Variants in DNAH7 observed in about 807,000 individuals in gnomAD.
DNAH7 encodes the protein dynein axonemal heavy chain 7, also known as axonemal beta dynein heavy chain 7.
A neutral mutation model predicts 444.6 loss-of-function variants in DNAH7; 397 were observed. The observed-to-expected ratio is 0.89, with a 90% CI of 0.82 to 0.97. The LOEUF is 0.97. Ranked by LOEUF, DNAH7 falls within the 50% of genes least tolerant of loss-of-function variation. The pLI, the probability that DNAH7 is intolerant of heterozygous loss-of-function variation, is 0.00. For synonymous variants in DNAH7, 1,636 were observed against 1,624.4 expected, an observed-to-expected ratio of 1.01 and a Z score of -0.17; for missense variants, 4,902 against 4,800.8, an observed-to-expected ratio of 1.02 and a Z score of -0.62.
intron 61 of DNAH7, among the ~76,000 whole-genome samples, chr2:195,760,916 T>C (rs958067424): frequency 1.3e-5 from 2 of 152,060 alleles, no homozygotes; most frequent in African/African-American, 2.4e-5. Context: ...CCATCTAGGA[T>C]ACTGAATAGT....
At position 195,799,307 on chromosome 2, in the gene DNAH7, C is replaced by T. The variant is rs142989058; in HGVS notation, c.10342G>A (p.Ala3448Thr). Reference sequence around the variant, plus strand: ...CTATTGTAAGGTACCTGGTCATCAGCAAATTTTAGAAGGGCAGCCATGGGA... The same window carrying T: ...CTATTGTAAGGTACCTGGTCATCAGTAAATTTTAGAAGGGCAGCCATGGGA... ...ADPMAALLKF[A>T]DDQGYGGSKL... Residue 3448 changes from alanine (A) to threonine (T), a missense_variant, in exon 55 of 65, where the codon GCT becomes ACT. Transcript: ENST00000312428. 94 of 1,582,200 alleles carry T rather than the reference C, an allele frequency of 5.9e-5. 1 individual carries two copies. The Middle Eastern group carries it at 1.2e-3, about 20-fold the overall frequency.
chr2:195,953,459 C>T (rs1462888784), intron 19 of DNAH7, among the ~76,000 whole-genome samples: 3 of 152,200 alleles, frequency 2.0e-5, no homozygotes, highest in East Asian at 1.9e-4. Flanking sequence ...AGAACTCAAG[C>T]GCTGTGCTGG....
At chr2:195,872,604 CTTA>C (rs1485031890) in intron 39 of DNAH7, 135 bp from the exon 40 acceptor site, 3 of 482,790 alleles carry the variant, frequency 6.2e-6, no homozygotes, top group Non-Finnish European at 1.1e-5. Flanking sequence ...ATTACCATAT[CTTA>C]TTATAATAAT....
intron 2 of DNAH7, among the ~76,000 whole-genome samples, chr2:196,057,160 TA>T (rs1170508977): frequency 6.6e-6 from 1 of 152,112 alleles, no homozygotes; most frequent in African/African-American, 2.4e-5. Flanking sequence ...AAATACCTCT[TA>T]AAAATCTAAT....
chr2:195,952,621 T>C (rs946160372), intron 19 of DNAH7, among the ~76,000 whole-genome samples: 4 of 152,184 alleles, frequency 2.6e-5, no homozygotes, highest in Admixed American at 1.3e-4. Flanking sequence ...GAAGGCTTTG[T>C]TCGTTCCTTT....
At chr2:195,748,818 C>T (rs1256347851) in intron 63 of DNAH7, among the ~76,000 whole-genome samples, 2 of 152,088 alleles carry the variant, frequency 1.3e-5, no homozygotes, top group African/African-American at 4.8e-5. Flanking sequence ...TTCCTTACAC[C>T]TTATACAAAA....
intron 41 of DNAH7, 53 bp downstream of exon 41, chr2:195,864,096 A>G (rs759585642): frequency 6.1e-5 from 96 of 1,563,050 alleles, no homozygotes; most frequent in Non-Finnish European, 8.3e-5. Context: ...AGTCATGATG[A>G]TAGTGGAAAT....
rs559585931 is a variant in DNAH7 at position 195,938,599 on chromosome 2, C to T, written c.3079-1807G>A. On this transcript the variant is annotated intron_variant, in intron 19 of 64. Coordinates refer to ENST00000312428, the MANE Select transcript of DNAH7 (RefSeq NM_018897.3). ...TTATTGCAATGTTTCCATTCTTAAT[C>T]TAAGATTTGAAAGCTAAAAACTCAG... Among the ~76,000 whole-genome samples, 5 of 152,200 alleles carry T rather than the reference C, an allele frequency of 3.3e-5. No individual in the cohort carries two copies. The South Asian group carries it at 8.3e-4, about 25-fold the overall frequency.
At chr2:195,878,579 G>T (rs542513180) in intron 36 of DNAH7, among the ~76,000 whole-genome samples, 1 of 152,078 alleles carries the variant, frequency 6.6e-6, no homozygotes, top group Non-Finnish European at 1.5e-5. Context: ...CAGCCTAGGG[G>T]ACAGAGCAAG....
chr2:195,933,500 A>G (rs564586415), intron 21 of DNAH7, among the ~76,000 whole-genome samples: 2 of 152,318 alleles, frequency 1.3e-5, no homozygotes, highest in African/African-American at 4.8e-5. Context: ...GAGCCAACCC[A>G]AATGTCCATC....
chr2:195,799,025 A>G (rs1460069421), intron 55 of DNAH7, among the ~76,000 whole-genome samples: 3 of 152,096 alleles, frequency 2.0e-5, no homozygotes, highest in Non-Finnish European at 4.4e-5. Context: ...AAATAATGTC[A>G]AAGAGTTTCC....
chr2:195,777,885 T>C lies in DNAH7; in HGVS notation c.10979A>G (p.Asn3660Ser). ...WDRRTLRSILNKFFNPELVEN... is the reference protein window; with the variant it reads ...WDRRTLRSILSKFFNPELVEN... ...AACTAATTCGGGATTGAAGAATTTG[T>C]TTAGAATGCTGCGCAGCGTGCGCCG... Residue 3660 changes from asparagine to serine, a missense_variant, in exon 59 of 65, where the codon AAC becomes AGC. Asn to Ser is a conservative substitution (Grantham distance 46). Transcript: ENST00000312428. 6.2e-7 allele frequency: 1 copy of C among 1,614,200 alleles called. No homozygotes were observed. The highest frequency in any genetic ancestry group is 1.1e-5 in the South Asian group (1 of 91,082).
chr2:195,971,982 A>AT (rs143141012), intron 16 of DNAH7, among the ~76,000 whole-genome samples: 4 of 152,202 alleles, frequency 2.6e-5, no homozygotes, highest in Non-Finnish European at 5.9e-5. Flanking sequence ...GATATATTCC[A>AT]TTTTTTTCAC....
At chr2:195,741,265 T>C (rs1163628206) in intron 63 of DNAH7, 1 of 152,364 alleles carries the variant, frequency 6.6e-6, no homozygotes, top group East Asian at 1.9e-4. Context: ...TGGTGGCTAG[T>C]GGGCAGCATA....
chr2:195,961,118 CT>C (rs1028366991), intron 17 of DNAH7, among the ~76,000 whole-genome samples, 173 bp from the exon 18 acceptor site: 14 of 151,938 alleles, frequency 9.2e-5, no homozygotes, highest in African/African-American at 3.1e-4. Flanking sequence ...CTATTTACTT[CT>C]TTTTTTAATT....
chr2:195,864,511 C>T lies in DNAH7; in HGVS notation c.7144G>A (p.Val2382Met), dbSNP rs1226260810. Reference protein sequence around the residue: ...DTTEWHEDLKVILRKCAEGEM... With the variant: ...DTTEWHEDLKMILRKCAEGEM... ...CCTTCCGCACATTTCCTTAAGATCA[C>T]TTTTAAATCTTCATGCCATTCAGTA... Residue 2382 changes from valine to methionine, a missense_variant, in exon 41 of 65, where the codon GTG becomes ATG. Transcript: ENST00000312428. 1 of 1,614,052 alleles carries T rather than the reference C, an allele frequency of 6.2e-7. No individual in the cohort carries two copies. Among genetic ancestry groups the T allele is most frequent in the African/African-American group, 1.3e-5 (1 of 74,914 alleles).
chr2:195,897,613 G>A (rs996455399), intron 29 of DNAH7, 54 bp downstream of exon 29: 58 of 1,042,294 alleles, frequency 5.6e-5, no homozygotes, highest in Non-Finnish European at 8.3e-5. Context: ...TTAGACATGT[G>A]ATAAATACAT....
intron 12 of DNAH7, among the ~76,000 whole-genome samples, chr2:195,991,751 A>G (rs1693353984): frequency 6.6e-6 from 1 of 152,200 alleles, no homozygotes. Flanking sequence ...CAGCCATACA[A>G]TATGTGAGCT....
In DNAH7 at chr2:195,858,507, T is replaced by C; in HGVS notation, c.8034A>G (p.Ser2678=). 6.2e-7 allele frequency: 1 copy of C among 1,612,396 alleles called. No homozygotes were observed. Among genetic ancestry groups the C allele is most frequent in the Non-Finnish European group, 8.5e-7 (1 of 1,179,172 alleles). ...DLAGALPILE[S]ALAALDTLTA... ...TAAGAGTATCAAGGGCGGCCAGTGC[T>C]GACTCTAATATTGGCAAGGCACCTG... Residue 2678 remains serine (S), a synonymous_variant, in exon 43 of 65, where the codon TCA becomes TCG. Transcript: ENST00000312428.
Sources: gnomAD v4.1 joint callset for allele counts (sites outside exome capture counted in the v4.1 genomes callset) on GRCh38, gnomAD v4.1.1 for gene constraint, MANE v1.5 for transcripts, NCBI Gene and HGNC (gene_info 2026-07-23, HGNC 2026-07-21) for gene names.